RANBP2: variants seen among roughly 807,000 people sequenced by gnomAD.
RANBP2 encodes the protein RAN binding protein 2, also known as E3 SUMO-protein ligase RanBP2.
In RANBP2, 57 loss-of-function variants were observed where a neutral mutation model predicts 303.6. The observed-to-expected ratio is 0.19, with a 90% confidence interval of 0.15 to 0.23. RANBP2 has a LOEUF of 0.23. RANBP2 is among the 10% of genes least tolerant of loss of function. The probability of loss-of-function intolerance (pLI) is 1.00; values close to 1 mark genes in which losing one functional copy is unlikely to be tolerated. For synonymous variants in RANBP2, 1,167 were observed against 1,301.5 expected (o/e 0.90, Z 2.23); for missense variants, 3,138 against 3,780.8 (o/e 0.83, Z 4.46).
At chr2:108,731,177 C>G in intron 3 of RANBP2, 145 bp from the exon 4 acceptor site, 1 of 1,373,690 alleles carries the variant, frequency 7.3e-7, no homozygotes, top group Non-Finnish European at 9.7e-7. Flanking sequence ...TATTTTAACA[C>G]CTTTGAAGTA....
At chr2:109,589,338 A>G in the RANBP2 span, among the ~76,000 whole-genome samples, 1 of 151,776 alleles carries the variant, frequency 6.6e-6, no homozygotes, top group Non-Finnish European at 1.5e-5. Context: ...TTTGAAACCA[A>G]CCTGGCCAGC....
chr2:109,586,995 C>T, the RANBP2 span, among the ~76,000 whole-genome samples: 20,521 of 151,930 alleles, frequency 0.14, 1,880 homozygotes, highest in African/African-American at 0.26. Context: ...AAAATTATGA[C>T]AGGAAAAAAA....
At chr2:109,269,627 A>G in the RANBP2 span, among the ~76,000 whole-genome samples, 2 of 152,168 alleles carry the variant, frequency 1.3e-5, no homozygotes, top group Non-Finnish European at 2.9e-5. Context: ...CTAAAAATAA[A>G]AAAAATAGCC....
chr2:109,614,355 T>G, the RANBP2 span: 1 of 759,610 alleles, frequency 1.3e-6, no homozygotes. Context: ...GGCCGAGTCC[T>G]CTGGCCTCAG....
At chr2:109,724,510 C>T in the RANBP2 span, among the ~76,000 whole-genome samples, 7 of 152,122 alleles carry the variant, frequency 4.6e-5, no homozygotes, top group Non-Finnish European at 7.4e-5. Flanking sequence ...ACAGTTATTT[C>T]AACATGGAAG....
chr2:108,948,918 G>A, the RANBP2 span, among the ~76,000 whole-genome samples: 2 of 152,252 alleles, frequency 1.3e-5, no homozygotes, highest in Admixed American at 1.3e-4. Context: ...AGGAGTTCAA[G>A]ACTGGTCTGG....
chr2:109,559,952 GCT>G, the RANBP2 span, among the ~76,000 whole-genome samples: 1 of 125,412 alleles, frequency 8.0e-6, no homozygotes, highest in Non-Finnish European at 1.6e-5. Flanking sequence ...ATGGGGTCTC[GCT>G]CTGTCACCCA....
At chr2:109,588,513 AGATG>A in the RANBP2 span, among the ~76,000 whole-genome samples, 1 of 152,100 alleles carries the variant, frequency 6.6e-6, no homozygotes, top group African/African-American at 2.4e-5. Flanking sequence ...TTTTTTTTTA[AGATG>A]GAGTTTTGCT....
chr2:109,646,374 T>C, the RANBP2 span, among the ~76,000 whole-genome samples: 1 of 152,164 alleles, frequency 6.6e-6, no homozygotes, highest in African/African-American at 2.4e-5. Context: ...ACAAATAAAA[T>C]ATTACTATAT....
At chr2:109,064,191 C>T in the RANBP2 span, among the ~76,000 whole-genome samples, 17 of 152,148 alleles carry the variant, frequency 1.1e-4, no homozygotes, top group South Asian at 6.2e-4. Context: ...AATGGCAGGC[C>T]GGGCGGGGTG....
At chr2:109,248,133 T>G in the RANBP2 span, among the ~76,000 whole-genome samples, 3 of 152,258 alleles carry the variant, frequency 2.0e-5, no homozygotes, top group African/African-American at 7.2e-5. Flanking sequence ...CTGTTTTCTT[T>G]TGATTGTTGA....
At chr2:108,777,300 T>C in intron 25 of RANBP2, 69 bp downstream of exon 25, 1 of 1,070,916 alleles carries the variant, frequency 9.3e-7, no homozygotes, top group Non-Finnish European at 1.3e-6. Flanking sequence ...AACTAGTTTT[T>C]TGTTGCAGTA....
the RANBP2 span, among the ~76,000 whole-genome samples, chr2:109,311,794 T>C: frequency 1.3e-5 from 2 of 152,240 alleles, no homozygotes; most frequent in Admixed American, 6.5e-5. Flanking sequence ...GCTACCCATA[T>C]GGCAGAGACA....
chr2:109,058,033 G>A, the RANBP2 span, among the ~76,000 whole-genome samples: 3 of 152,216 alleles, frequency 2.0e-5, no homozygotes, highest in Non-Finnish European at 4.4e-5. Flanking sequence ...TTTACAGTTT[G>A]CAGGTCTCAC....
At chr2:109,069,614 C>T in the RANBP2 span, among the ~76,000 whole-genome samples, 431 of 152,300 alleles carry the variant, frequency 2.8e-3, 1 homozygote, top group Admixed American at 4.8e-3. Flanking sequence ...TGTTCCAGAA[C>T]GTGGTTCAGA....
At chr2:109,498,656 A>C in the RANBP2 span, among the ~76,000 whole-genome samples, 42,016 of 151,982 alleles carry the variant, frequency 0.28, 6,097 homozygotes, top group African/African-American at 0.37. Context: ...CCCCCTAAGT[A>C]GTATCAAGTA....
the RANBP2 span, among the ~76,000 whole-genome samples, chr2:109,488,955 C>T: frequency 0.012 from 1,817 of 152,328 alleles, 21 homozygotes; most frequent in East Asian, 0.049. Context: ...TGGGCCGCCT[C>T]TTCCTCCTGA....
chr2:109,392,160 T>C, the RANBP2 span, among the ~76,000 whole-genome samples: 1 of 152,204 alleles, frequency 6.6e-6, no homozygotes, highest in Non-Finnish European at 1.5e-5. Context: ...ATCTCTAAAA[T>C]GTACCCAACC....
At chr2:108,731,980 C>T (rs193290587) in intron 4 of RANBP2, 1 of 162,916 alleles carries the variant, frequency 6.1e-6, no homozygotes, top group East Asian at 1.8e-4. Context: ...AGTGTGTTGA[C>T]TGGTCCTGAT....
Sources: gnomAD v4.1 joint callset for allele counts (sites outside exome capture counted in the v4.1 genomes callset) on GRCh38, gnomAD v4.1.1 for gene constraint, MANE v1.5 for transcripts, NCBI Gene and HGNC (gene_info 2026-07-23, HGNC 2026-07-21) for gene names.